Variants in ASB15 observed in about 807,000 individuals in gnomAD.
ASB15 encodes ankyrin repeat and SOCS box protein 15.
A neutral mutation model predicts 58.0 loss-of-function variants in ASB15; 54 were observed. The ratio of observed to expected loss-of-function variants is 0.93; its 90% CI spans 0.75 to 1.17. ASB15 has a LOEUF of 1.17. Among genes scored for constraint, ASB15 ranks in the 50% most tolerant of loss-of-function variants. The pLI, the probability that ASB15 is intolerant of heterozygous loss-of-function variation, is 0.00. For synonymous variants in ASB15, 249 were observed against 262.4 expected (o/e 0.95, Z 0.50); for missense variants, 680 against 707.4 (o/e 0.96, Z 0.44).
At chr7:123,594,855 T>C (rs1371471452) in intron 1 of ASB15, among the ~76,000 whole-genome samples, 1 of 152,208 alleles carries the variant, frequency 6.6e-6, no homozygotes, top group East Asian at 1.9e-4. Flanking sequence ...GCAGAAGCTG[T>C]CTGCTGCCTT....
intron 3 of ASB15, among the ~76,000 whole-genome samples, chr7:123,613,365 G>A (rs1485357177): frequency 1.7e-4 from 26 of 152,028 alleles, no homozygotes; most frequent in Admixed American, 1.7e-3. Context: ...GGCTTGAAAA[G>A]TACCATCAAT....
intron 1 of ASB15, among the ~76,000 whole-genome samples, chr7:123,571,518 T>C (rs12706538): frequency 0.14 from 21,021 of 152,204 alleles, 1,536 homozygotes; most frequent in Middle Eastern, 0.18. Flanking sequence ...AAAATATGAT[T>C]TTTAATCCAG....
intron 7 of ASB15, among the ~76,000 whole-genome samples, chr7:123,621,707 C>T (rs1233521607): frequency 6.6e-6 from 1 of 152,222 alleles, no homozygotes; most frequent in Non-Finnish European, 1.5e-5. Flanking sequence ...TATCAGCCAT[C>T]TGGCCCTTCC....
chr7:123,617,846 C>A, intron 7 of ASB15, 109 bp downstream of exon 7: 2 of 1,113,812 alleles, frequency 1.8e-6, no homozygotes, highest in Non-Finnish European at 1.3e-6. Context: ...CTTCCATTCC[C>A]TGAGCTACTT....
chr7:123,636,177 C>T (rs181753903), intron 11 of ASB15, among the ~76,000 whole-genome samples: 1 of 152,282 alleles, frequency 6.6e-6, no homozygotes, highest in African/African-American at 2.4e-5. Context: ...GTCCAGAGTG[C>T]ACATCTAAGC....
At chr7:123,622,058 C>T (rs952699633) in intron 7 of ASB15, among the ~76,000 whole-genome samples, 2 of 152,168 alleles carry the variant, frequency 1.3e-5, no homozygotes, top group East Asian at 1.9e-4. Flanking sequence ...ACTCCATTTC[C>T]GCTTTTAATC....
rs10230057 is a variant in ASB15, at chr7:123,591,884, T to C, written c.-442-12148T>C. On this transcript the variant is annotated intron_variant, in intron 1 of 13. Transcript: ENST00000451558. Reference sequence around the variant, plus strand: ...GTTTCAGAAGGAATGGTACCAGCTTTTCTTTGTACCTCTGGTAGAATTTGG... The same window carrying C: ...GTTTCAGAAGGAATGGTACCAGCTTCTCTTTGTACCTCTGGTAGAATTTGG... 5.2e-3 allele frequency among the ~76,000 whole-genome samples: 798 copies of C among 152,226 alleles called. 4 individuals are homozygous for C. Among genetic ancestry groups the C allele is most frequent in the African/African-American group, 0.018 (752 of 41,542 alleles).
chr7:123,616,617 A>G, intron 6 of ASB15, 122 bp downstream of exon 6: 2 of 1,231,698 alleles, frequency 1.6e-6, no homozygotes, highest in Non-Finnish European at 2.2e-6. Context: ...ATTATTTGGA[A>G]TTTGAAAAAG....
At chr7:123,606,085 C>T (rs1285261893) in intron 2 of ASB15, among the ~76,000 whole-genome samples, 5 of 152,082 alleles carry the variant, frequency 3.3e-5, no homozygotes, top group African/African-American at 1.2e-4. Flanking sequence ...TTTTTACTCA[C>T]CCTACAACTC....
intron 1 of ASB15, chr7:123,596,363 A>G (rs552289855): frequency 6.6e-6 from 1 of 152,204 alleles, no homozygotes; most frequent in East Asian, 1.9e-4. Context: ...TGTGATCCCA[A>G]CACTTTGAAG....
chr7:123,633,761 T>C (rs1040110793), intron 11 of ASB15, among the ~76,000 whole-genome samples: 6 of 152,032 alleles, frequency 3.9e-5, no homozygotes, highest in Admixed American at 2.0e-4. Flanking sequence ...GAAACCAGGG[T>C]TTTTGCTGGA....
chr7:123,587,552 T>C (rs1799409307), intron 1 of ASB15, among the ~76,000 whole-genome samples: 1 of 151,664 alleles, frequency 6.6e-6, no homozygotes, highest in Non-Finnish European at 1.5e-5. Context: ...TCTTTCCTAA[T>C]TGCTCTGGTG....
intron 7 of ASB15, among the ~76,000 whole-genome samples, chr7:123,624,336 T>TAC (rs1480375371): frequency 6.6e-6 from 1 of 152,196 alleles, no homozygotes; most frequent in African/African-American, 2.4e-5. Context: ...GTGAAACTCT[T>TAC]ACCCCTCCTC....
Position 123,614,556 on chromosome 7 carries a change from G to C in ASB15, c.54G>C (p.Gln18His). Reference sequence around the variant, plus strand: ...ACCATCTTACAAGTTATGATATTCAGCTAAGTATTCAAGAATCCATTGAAG... The same window carrying C: ...ACCATCTTACAAGTTATGATATTCACCTAAGTATTCAAGAATCCATTGAAG... ...DEDHLTSYDI[Q>H]LSIQESIEAS... The change falls in exon 4 of 12, where the codon CAG becomes CAC. Residue 18 changes from glutamine to histidine, a missense_variant. Gln to His is a conservative substitution (Grantham distance 24). Transcript: ENST00000451215. 6.2e-7 allele frequency: 1 copy of C among 1,611,782 alleles called. No individual in the cohort carries two copies. Among genetic ancestry groups the C allele is most frequent in the Non-Finnish European group, 8.5e-7 (1 of 1,178,172 alleles).
chr7:123,580,279 A>G (rs1190283086), intron 1 of ASB15, among the ~76,000 whole-genome samples: 1 of 152,200 alleles, frequency 6.6e-6, no homozygotes, highest in East Asian at 1.9e-4. Flanking sequence ...CCTCAGGTGC[A>G]TGGCAGGCCG....
intron 1 of ASB15, among the ~76,000 whole-genome samples, chr7:123,572,402 G>C (rs1398557929): frequency 6.6e-6 from 1 of 151,780 alleles, no homozygotes; most frequent in African/African-American, 2.4e-5. Flanking sequence ...GCCTCCGAAA[G>C]TACTGGGATT....
At chr7:123,582,880 C>A (rs1004654637) in intron 1 of ASB15, among the ~76,000 whole-genome samples, 1 of 151,936 alleles carries the variant, frequency 6.6e-6, no homozygotes, top group African/African-American at 2.4e-5. Flanking sequence ...CAGTATTATT[C>A]AAAGAGGAAT....
At position 123,627,172 on chromosome 7, in the gene ASB15, G is replaced by A. The variant is rs749446604; in HGVS notation, c.760G>A (p.Gly254Ser). 3 of 1,611,158 alleles carry A rather than the reference G, an allele frequency of 1.9e-6. 1 individual carries two copies. The South Asian group carries it at 3.3e-5, about 18-fold the overall frequency. Residue 254 changes from glycine to serine, a missense_variant, in exon 9 of 12, where the codon GGC becomes AGC. By Grantham distance (56) the Gly-to-Ser change is moderately conservative. Coordinates refer to ENST00000451215, the MANE Select transcript of ASB15 (RefSeq NM_001290258.2). ...GGTGCTGTTTGAGGCAGCAGGAGGTGGCAATCCCGACTGCATTTCCCTCCT... is the reference window on the plus strand; with the variant it reads ...GGTGCTGTTTGAGGCAGCAGGAGGTAGCAATCCCGACTGCATTTCCCTCCT... ...ASVLFEAAGG[G>S]NPDCISLLLE... is the part of the protein sequence containing the mutation.
Position 123,616,288 on chromosome 7 carries a change from T to C in ASB15, c.160+15T>C, listed in dbSNP as rs780222909. ...CATAAAACAAGGTAAATGGGTGTAC[T>C]ATCTACAGTGGGATGGACTGGAGAT... is the stretch of plus-strand genomic sequence containing the variant. On this transcript the variant is annotated intron_variant, in intron 5 of 11. Transcript: ENST00000451215. 6.2e-7 allele frequency: 1 copy of C among 1,609,490 alleles called. No individual in the cohort carries two copies. The highest frequency in any genetic ancestry group is 1.7e-5 in the Admixed American group (1 of 59,992).
Sources: allele counts gnomAD v4.1 joint callset (sites outside exome capture counted in the v4.1 genomes callset), GRCh38; gene constraint gnomAD v4.1.1; transcripts MANE v1.5; gene names NCBI Gene and HGNC (gene_info 2026-07-23, HGNC 2026-07-21).